Variants in ATXN7 observed in about 807,000 individuals in gnomAD.
ATXN7 encodes ataxin 7, also known as ataxin-7.
Under a neutral mutation model 70.5 loss-of-function variants are expected in ATXN7, and 12 were observed. That is an observed-to-expected ratio of 0.17 (90% CI 0.11 to 0.28). ATXN7 has a LOEUF of 0.28. Ranked by LOEUF, ATXN7 falls within the 10% of genes least tolerant of loss-of-function variation. The pLI, the probability that ATXN7 is intolerant of heterozygous loss-of-function variation, is 1.00. For missense variants in ATXN7, 1,256 were observed against 1,131.7 expected (o/e 1.11, Z -1.58); for synonymous variants, 498 against 448.7 (o/e 1.11, Z -1.39).
At chr3:63,956,729 A>G (rs1267111961) in intron 5 of ATXN7, among the ~76,000 whole-genome samples, 2 of 152,170 alleles carry the variant, frequency 1.3e-5, no homozygotes, top group East Asian at 1.9e-4. Flanking sequence ...TGGTACATAC[A>G]GTGGGAGACA....
intron 5 of ATXN7, among the ~76,000 whole-genome samples, chr3:63,956,752 CAA>C (rs942637489): frequency 6.6e-5 from 10 of 152,192 alleles, no homozygotes; most frequent in Non-Finnish European, 8.8e-5. Context: ...CAATGACTGA[CAA>C]GAGATTGGTG....
At chr3:63,915,390 G>C (rs558645285) in intron 4 of ATXN7, among the ~76,000 whole-genome samples, 10 of 152,200 alleles carry the variant, frequency 6.6e-5, no homozygotes, top group Non-Finnish European at 1.2e-4. Flanking sequence ...TTGTGACTTT[G>C]CGGATTATGT....
chr3:63,979,045 T>C (rs986026925), intron 5 of ATXN7, among the ~76,000 whole-genome samples: 2 of 152,252 alleles, frequency 1.3e-5, no homozygotes, highest in South Asian at 4.1e-4. Context: ...CTCAAGCGGA[T>C]AAAGTTACCA....
intron 4 of ATXN7, among the ~76,000 whole-genome samples, chr3:63,914,306 T>G (rs1347356687): frequency 6.6e-6 from 1 of 152,210 alleles, no homozygotes; most frequent in Admixed American, 6.5e-5. Context: ...TTCGGTTTTT[T>G]TGAATTGGGC....
intron 1 of ATXN7, among the ~76,000 whole-genome samples, chr3:63,883,734 T>A (rs1157589420): frequency 6.6e-6 from 1 of 152,180 alleles, no homozygotes; most frequent in Admixed American, 6.5e-5. Flanking sequence ...AATTAAGAGT[T>A]GACACCAAGG....
chr3:63,868,516 T>C (rs984935052), intron 1 of ATXN7, among the ~76,000 whole-genome samples: 1 of 152,238 alleles, frequency 6.6e-6, no homozygotes, highest in African/African-American at 2.4e-5. Flanking sequence ...ATTTCCAAAT[T>C]GGTGTGATGA....
chr3:63,987,880 A>T (rs565039118), intron 8 of ATXN7, among the ~76,000 whole-genome samples, 179 bp from the exon 9 acceptor site: 1 of 152,120 alleles, frequency 6.6e-6, no homozygotes, highest in Non-Finnish European at 1.5e-5. Context: ...GTATGCTTCT[A>T]GTCTAGCTAG....
At chr3:63,937,988 G>A (rs1006142277) in intron 4 of ATXN7, among the ~76,000 whole-genome samples, 4 of 152,220 alleles carry the variant, frequency 2.6e-5, no homozygotes, top group Non-Finnish European at 5.9e-5. Flanking sequence ...GGTAGCTGTT[G>A]TTAGGTTGTA....
chr3:63,913,633 T>G (rs1326556462), intron 4 of ATXN7, among the ~76,000 whole-genome samples: 1 of 152,208 alleles, frequency 6.6e-6, no homozygotes, highest in East Asian at 1.9e-4. Context: ...AGAAGATGCT[T>G]TACCTATGCA....
At chr3:63,968,323 T>G (rs978696557) in intron 5 of ATXN7, 1 of 229,392 alleles carries the variant, frequency 4.4e-6, no homozygotes, top group Non-Finnish European at 8.7e-6. Context: ...CCGAGTTTGT[T>G]ATTAACTCCA....
chr3:63,914,372 G>A (rs1242552155), intron 4 of ATXN7, among the ~76,000 whole-genome samples: 2 of 152,162 alleles, frequency 1.3e-5, no homozygotes, highest in Non-Finnish European at 2.9e-5. Context: ...AGCCCGATGA[G>A]AGCTTCCAAT....
chr3:63,946,905 A>G (rs1280601578), intron 4 of ATXN7, among the ~76,000 whole-genome samples: 2 of 152,152 alleles, frequency 1.3e-5, no homozygotes, highest in African/African-American at 4.8e-5. Flanking sequence ...TAAGAGGAAC[A>G]AACTGTGGCC....
intron 4 of ATXN7, among the ~76,000 whole-genome samples, chr3:63,930,462 T>A (rs1056133371): frequency 6.6e-6 from 1 of 152,200 alleles, no homozygotes; most frequent in Non-Finnish European, 1.5e-5. Context: ...ATCTGGGCAC[T>A]GTCAAATGAA....
chr3:63,923,089 G>A lies in ATXN7; in HGVS notation c.394+9864G>A, dbSNP rs1690325254. On this transcript the variant is annotated intron_variant, in intron 4 of 12. Coordinates refer to ENST00000674280, the MANE Select transcript of ATXN7 (RefSeq NM_001377405.1). ...ACCGTGTCCTTTAGTAGGCCTCAGT[G>A]TATTTTGTTTATTTTGTGATTACTG... Among the ~76,000 whole-genome samples the A allele has an allele frequency of 2.0e-5, 3 of 152,174 alleles. No homozygotes were observed. The South Asian group carries it at 6.2e-4, about 32-fold the overall frequency.
Position 63,863,870 on chromosome 3 carries a change from A to C in ATXN7, c.-399A>C. 6 of 1,182,008 alleles carry C rather than the reference A, an allele frequency of 5.1e-6. No individual in the cohort carries two copies. The highest frequency in any genetic ancestry group is 5.2e-6 in the Non-Finnish European group (5 of 963,628). The allele number at this position is 1,182,008 out of a possible 1,614,324, so 73.2% of individuals were successfully genotyped here. A position where few individuals can be genotyped will look rare whatever the true frequency, so the allele number is the denominator to read the frequency against. ...CGGCGGCGGAGGTCAAACTCCCACA[A>C]TGCAGCCGGGTAAACAGCCATGGAG... On this transcript the variant is annotated 5_prime_UTR_variant, in exon 1 of 13. The change abolishes an upstream ATG in the 5' untranslated region. Coordinates refer to ENST00000674280, the MANE Select transcript of ATXN7 (RefSeq NM_001377405.1).
At chr3:63,990,950 G>A (rs2075662150) in intron 11 of ATXN7, 91 bp downstream of exon 11, 2 of 1,587,962 alleles carry the variant, frequency 1.3e-6, no homozygotes. Flanking sequence ...ATGAAGATAT[G>A]CTTATCTAAA....
intron 5 of ATXN7, among the ~76,000 whole-genome samples, chr3:63,975,683 A>G (rs1260353203): frequency 1.3e-5 from 2 of 152,164 alleles, no homozygotes; most frequent in African/African-American, 4.8e-5. Flanking sequence ...AAAAAATCTC[A>G]GCGTGAATTC....
intron 4 of ATXN7, among the ~76,000 whole-genome samples, chr3:63,929,528 C>T (rs1575910604): frequency 6.6e-6 from 1 of 152,182 alleles, no homozygotes. Flanking sequence ...GCCTCTGCTT[C>T]CCAAAGTGCT....
At position 63,942,974 on chromosome 3, in the gene ATXN7, G is replaced by C. The variant is rs143874483; in HGVS notation, c.395-9405G>C. Reference sequence around the variant, plus strand: ...TCTCAAATTTTTTTGTTGAAAACCTGTGTGTCAGGTACTGTGCTATGTACT... The same window carrying C: ...TCTCAAATTTTTTTGTTGAAAACCTCTGTGTCAGGTACTGTGCTATGTACT... On this transcript the variant is annotated intron_variant, in intron 4 of 12. Transcript: ENST00000674280. Among the ~76,000 whole-genome samples, 3 of 152,320 alleles carry C rather than the reference G, an allele frequency of 2.0e-5. No homozygotes were observed. In the East Asian group the frequency reaches 5.8e-4, roughly 29 times the overall value.
Sources: allele counts gnomAD v4.1 joint callset (sites outside exome capture counted in the v4.1 genomes callset), GRCh38; gene constraint gnomAD v4.1.1; transcripts MANE v1.5; gene names NCBI Gene and HGNC (gene_info 2026-07-23, HGNC 2026-07-21).